GABRB2: variants seen among roughly 807,000 people sequenced by gnomAD.
GABRB2 encodes the protein gamma-aminobutyric acid receptor subunit beta-2.
In GABRB2, 16 loss-of-function variants were observed where a neutral mutation model predicts 54.7. The observed-to-expected ratio is 0.29, with a 90% CI of 0.20 to 0.44. GABRB2 has a LOEUF of 0.44. Ranked by LOEUF, GABRB2 falls within the 20% of genes least tolerant of loss-of-function variation. GABRB2 has a pLI of 1.00. For missense variants in GABRB2, 355 were observed against 644.0 expected, an observed-to-expected ratio of 0.55 and a Z score of 4.86; for synonymous variants, 244 against 233.8, an observed-to-expected ratio of 1.04 and a Z score of -0.40.
At chr5:161,390,728 C>A (rs974299464) in intron 5 of GABRB2, among the ~76,000 whole-genome samples, 5 of 152,054 alleles carry the variant, frequency 3.3e-5, no homozygotes, top group African/African-American at 7.2e-5. Context: ...AATCTGAGAG[C>A]TAACACTTCT....
rs751242029 is a variant in GABRB2 at position 161,546,316 on chromosome 5, C to G, written c.169+6G>C. On this transcript the variant is annotated splice_donor_region_variant and intron_variant, in intron 2 of 9. Transcript: ENST00000393959. The stretch of plus-strand genomic sequence containing the variant: ...GCTGGACTTATTTGCAAGGCAACCC[C>G]ATTACCTCCAAAATCTGGTCTCAGA... The G allele has an allele frequency of 1.9e-6, 3 of 1,612,692 alleles. No homozygotes were observed. The highest frequency in any genetic ancestry group is 2.5e-6 in the Non-Finnish European group (3 of 1,178,644).
At chr5:161,502,333 C>T (rs1200661568) in intron 3 of GABRB2, among the ~76,000 whole-genome samples, 1 of 151,934 alleles carries the variant, frequency 6.6e-6, no homozygotes, top group African/African-American at 2.4e-5. Flanking sequence ...TTAATATACT[C>T]ATAAAAGAAA....
At chr5:161,322,160 G>A (rs7737596) in intron 9 of GABRB2, among the ~76,000 whole-genome samples, 18,772 of 151,862 alleles carry the variant, frequency 0.12, 1,557 homozygotes, top group African/African-American at 0.23. Flanking sequence ...AAAAATATGG[G>A]GTAATAATAA....
intron 3 of GABRB2, among the ~76,000 whole-genome samples, chr5:161,476,868 A>C (rs1308947351): frequency 1.3e-5 from 2 of 151,950 alleles, no homozygotes; most frequent in African/African-American, 4.8e-5. Context: ...AAGTTTCATG[A>C]CATTGGATTT....
At chr5:161,527,766 A>T (rs1760328639) in intron 3 of GABRB2, among the ~76,000 whole-genome samples, 1 of 151,616 alleles carries the variant, frequency 6.6e-6, no homozygotes, top group East Asian at 1.9e-4. Context: ...TTAATCATGG[A>T]AATTAACTAT....
intron 3 of GABRB2, among the ~76,000 whole-genome samples, chr5:161,463,032 T>G (rs867922877): frequency 1.3e-5 from 2 of 152,112 alleles, no homozygotes; most frequent in Non-Finnish European, 2.9e-5. Flanking sequence ...GGGTGCTCCT[T>G]GATCCACGTT....
chr5:161,406,736 C>T (rs966300747), intron 5 of GABRB2, among the ~76,000 whole-genome samples: 4 of 151,954 alleles, frequency 2.6e-5, no homozygotes, highest in Non-Finnish European at 5.9e-5. Flanking sequence ...CTCTGAGAGG[C>T]CAGCAACAAT....
chr5:161,483,695 G>T (rs1485231799), intron 3 of GABRB2, among the ~76,000 whole-genome samples: 1 of 151,978 alleles, frequency 6.6e-6, no homozygotes, highest in Admixed American at 6.6e-5. Flanking sequence ...CAGAAAGAGA[G>T]AAATCATTGC....
intron 9 of GABRB2, among the ~76,000 whole-genome samples, chr5:161,309,094 TG>T (rs1757784447): frequency 6.6e-6 from 1 of 152,190 alleles, no homozygotes; most frequent in Non-Finnish European, 1.5e-5. Context: ...AGAACATTTT[TG>T]CAAACAATGC....
intron 4 of GABRB2, among the ~76,000 whole-genome samples, chr5:161,422,943 T>C (rs1210344974): frequency 6.6e-6 from 1 of 152,196 alleles, no homozygotes; most frequent in African/African-American, 2.4e-5. Context: ...TTTCTAATGA[T>C]TGAATTCCAT....
chr5:161,475,777 C>T (rs2964776), intron 3 of GABRB2, among the ~76,000 whole-genome samples: 111,848 of 151,516 alleles, frequency 0.74, 42,403 homozygotes, highest in South Asian at 0.9. Flanking sequence ...TGAAAACCCT[C>T]AACAAACTAA....
intron 4 of GABRB2, among the ~76,000 whole-genome samples, chr5:161,414,521 T>G (rs1386354230): frequency 6.6e-6 from 1 of 152,118 alleles, no homozygotes; most frequent in Admixed American, 6.5e-5. Flanking sequence ...TCAAGATGGA[T>G]GTAAATAGCT....
intron 3 of GABRB2, among the ~76,000 whole-genome samples, chr5:161,518,390 C>T (rs1415857734): frequency 6.6e-6 from 1 of 152,138 alleles, no homozygotes; most frequent in East Asian, 1.9e-4. Flanking sequence ...ACATTACTTA[C>T]CCCTGTTGAC....
intron 5 of GABRB2, among the ~76,000 whole-genome samples, chr5:161,380,533 T>C (rs1755433610): frequency 6.6e-6 from 1 of 152,178 alleles, no homozygotes; most frequent in African/African-American, 2.4e-5. Flanking sequence ...AGAGTTGAGC[T>C]GCATTCTGAC....
chr5:161,538,909 G>A (rs1230673730), intron 3 of GABRB2, among the ~76,000 whole-genome samples: 1 of 152,130 alleles, frequency 6.6e-6, no homozygotes, highest in African/African-American at 2.4e-5. Flanking sequence ...CTGTCCATAA[G>A]GCCTAACACA....
Position 161,546,377 on chromosome 5 carries a change from C to A in GABRB2, c.114G>T (p.Glu38Asp). The change falls in exon 2 of 10, where the codon GAG becomes GAT. Residue 38 changes from glutamate to aspartate, a missense_variant. Physicochemically the swap from Glu to Asp is conservative, Grantham distance 45 (BLOSUM62 2). Coordinates refer to ENST00000393959, the MANE Select transcript of GABRB2 (RefSeq NM_001371727.1). Reference sequence around the variant, plus strand: ...AGCCTTTCAGGAGTCTATCCACCGTCTCTTTAACCAGCGACATATTACTAG... The same window carrying A: ...AGCCTTTCAGGAGTCTATCCACCGTATCTTTAACCAGCGACATATTACTAG... Reference protein sequence around the residue: ...NDPSNMSLVKETVDRLLKGYD... With the variant: ...NDPSNMSLVKDTVDRLLKGYD... 1 of 1,614,170 alleles carries A rather than the reference C, an allele frequency of 6.2e-7. No homozygotes were observed. Among genetic ancestry groups the A allele is most frequent in the South Asian group, 1.1e-5 (1 of 91,086 alleles).
chr5:161,292,599 T>C lies in GABRB2; in HGVS notation c.*1482A>G, dbSNP rs1757267908. The C allele has an allele frequency of 6.6e-6, 1 of 152,188 alleles. No homozygotes were observed. The highest frequency in any genetic ancestry group is 2.4e-5 in the African/African-American group (1 of 41,456). 9.4% of individuals were successfully genotyped at this position (152,188 alleles called of 1,614,324 possible). A position where few individuals can be genotyped will look rare whatever the true frequency, so the allele number is the denominator to read the frequency against. On this transcript the variant is annotated 3_prime_UTR_variant, in exon 10 of 10. Coordinates refer to ENST00000393959, the MANE Select transcript of GABRB2 (RefSeq NM_001371727.1). ...AACAGTTATATATTTTTCTGCAATA[T>C]CAACTGAGGCTCATAACATTTATCA...
chr5:161,315,037 T>C (rs1396149918), intron 9 of GABRB2, among the ~76,000 whole-genome samples: 2 of 152,106 alleles, frequency 1.3e-5, no homozygotes, highest in Non-Finnish European at 2.9e-5. Flanking sequence ...GATCTAGTAA[T>C]ATGGTAGAAG....
chr5:161,529,570 G>C (rs1437654899), intron 3 of GABRB2, among the ~76,000 whole-genome samples: 1 of 151,958 alleles, frequency 6.6e-6, no homozygotes, highest in African/African-American at 2.4e-5. Context: ...TGTAAAATGT[G>C]ATAATCTTAT....
Sources: allele counts gnomAD v4.1 joint callset (sites outside exome capture counted in the v4.1 genomes callset), GRCh38; gene constraint gnomAD v4.1.1; transcripts MANE v1.5; gene names NCBI Gene and HGNC (gene_info 2026-07-23, HGNC 2026-07-21).